FXYD3: variants seen among roughly 807,000 people sequenced by gnomAD.
FXYD3 encodes the protein FXYD domain containing ion transport regulator 3.
FXYD3 carries 13 observed loss-of-function variants against 19.2 expected under a neutral mutation model. The ratio of observed to expected loss-of-function variants is 0.68; its 90% CI spans 0.44 to 1.08. The LOEUF is 1.08. FXYD3 is among the 50% of genes least tolerant of loss of function. FXYD3 has a pLI of 0.00. For synonymous variants in FXYD3, 48 were observed against 38.9 expected (o/e 1.23, Z -0.87); for missense variants, 101 against 109.4 (o/e 0.92, Z 0.34).
Position 35,121,074 on chromosome 19 carries a change from C to T in FXYD3, c.41-4C>T, listed in dbSNP as rs2065031646. The T allele has an allele frequency of 1.9e-6, 3 of 1,612,546 alleles. No individual in the cohort carries two copies. Among genetic ancestry groups the T allele is most frequent in the Non-Finnish European group, 2.5e-6 (3 of 1,180,030 alleles). On this transcript the variant is annotated splice_region_variant and splice_polypyrimidine_tract_variant and intron_variant, in intron 3 of 8. Transcript: ENST00000604404. Reference sequence around the variant, plus strand: ...CTCCCCTCCTTCCCCTCTTCTCCCACTAGGCTTTCCTGTCCTGGACGCCAA... The same window carrying T: ...CTCCCCTCCTTCCCCTCTTCTCCCATTAGGCTTTCCTGTCCTGGACGCCAA...
At position 35,123,581 on chromosome 19, in the gene FXYD3, G is replaced by A. The variant is rs2145350973; in HGVS notation, c.*124G>A. 1 of 979,692 alleles carries A rather than the reference G, an allele frequency of 1.0e-6. No homozygotes were observed. The highest frequency in any genetic ancestry group is 2.5e-5 in the East Asian group (1 of 39,812). The allele number at this position is 979,692 out of a possible 1,614,324, so 60.7% of individuals were successfully genotyped here. ...TCTGCTGGGACTCCTTTGCATGGCA[G>A]GGCCTCATCTCACCTCTCGCAAGAG... On this transcript the variant is annotated 3_prime_UTR_variant, in exon 9 of 9. Coordinates refer to ENST00000604404, the MANE Select transcript of FXYD3 (RefSeq NM_005971.4).
chr19:35,123,349 G>GGT (rs71167516), intron 8 of FXYD3, 41 bp downstream of exon 8: 366,327 of 1,477,486 alleles, frequency 0.25, 16,021 homozygotes, highest in Admixed American at 0.37. Flanking sequence ...ACACGGAAGT[G>GGT]GTGTGTGTGT....
intron 2 of FXYD3, 125 bp from the exon 3 acceptor site, chr19:35,119,238 C>A (rs1292428505): frequency 6.2e-7 from 1 of 1,610,064 alleles, no homozygotes; most frequent in Non-Finnish European, 8.5e-7. Context: ...GAGATGCCAG[C>A]CTTCCTGTCC....
intron 3 of FXYD3, 89 bp downstream of exon 3, chr19:35,119,505 C>T: frequency 8.2e-7 from 1 of 1,216,976 alleles, no homozygotes; most frequent in Non-Finnish European, 1.2e-6. Flanking sequence ...TTTTCTACCT[C>T]CCCGGGAAGG....
chr19:35,118,854 C>T (rs1384428645), intron 2 of FXYD3, among the ~76,000 whole-genome samples: 3 of 151,976 alleles, frequency 2.0e-5, no homozygotes, highest in African/African-American at 7.3e-5. Flanking sequence ...CTGGCAGGGC[C>T]GGGCAGGCTC....
At chr19:35,123,042 G>A (rs917607793) in intron 7 of FXYD3, 88 bp downstream of exon 7, 13 of 1,486,140 alleles carry the variant, frequency 8.7e-6, no homozygotes, top group African/African-American at 1.4e-5. Context: ...GAGAGGCCTC[G>A]GGGCTCTGCC....
chr19:35,117,367 G>A, intron 2 of FXYD3: 1 of 1,499,654 alleles, frequency 6.7e-7, no homozygotes, highest in Non-Finnish European at 8.9e-7. Context: ...CCCCTGGAAA[G>A]AGGCTTAAGA....
intron 2 of FXYD3, chr19:35,117,358 C>A: frequency 6.6e-7 from 1 of 1,504,712 alleles, no homozygotes; most frequent in Non-Finnish European, 8.9e-7. Context: ...TTGGAGGAGC[C>A]CCTGGAAAGA....
At chr19:35,122,999 T>C in intron 7 of FXYD3, 45 bp downstream of exon 7, 1 of 1,538,300 alleles carries the variant, frequency 6.5e-7, no homozygotes, top group Non-Finnish European at 8.8e-7. Context: ...GACTGGACGC[T>C]TTTCAGGGTG....
intron 3 of FXYD3, among the ~76,000 whole-genome samples, chr19:35,120,501 C>T (rs890481606): frequency 2.0e-5 from 3 of 152,240 alleles, no homozygotes; most frequent in African/African-American, 7.2e-5. Context: ...TCCACGTCAG[C>T]CTCCCAAAGC....
intron 2 of FXYD3, 172 bp from the exon 3 acceptor site, chr19:35,119,191 C>A (rs1219860397): frequency 1.9e-6 from 3 of 1,564,350 alleles, no homozygotes; most frequent in African/African-American, 2.7e-5. Context: ...CCAGTCCCCA[C>A]TCCACGGTGC....
Position 35,122,968 on chromosome 19 carries a change from C to G in FXYD3, c.209+14C>G. 6.4e-7 allele frequency: 1 copy of G among 1,567,378 alleles called. No homozygotes were observed. Among genetic ancestry groups the G allele is most frequent in the Non-Finnish European group, 8.7e-7 (1 of 1,155,666 alleles). On this transcript the variant is annotated intron_variant, in intron 7 of 8. Transcript: ENST00000604404. The stretch of plus-strand genomic sequence containing the variant: ...CCAGAAGTCCGGGTAAGATACTGTT[C>G]CGGCATGCCCGCCTCAGGCTGACTG...
In FXYD3 at chr19:35,121,363, TA is replaced by T. The variant is rs1568386929; in HGVS notation, c.97+119del. On this transcript the variant is annotated intron_variant, in intron 5 of 8. Transcript: ENST00000604404. Reference sequence around the variant, plus strand: ...TCACAGGACAAAGATACGAAGGGACTAGGATGGGGTTACTGAATATGCCACA... The same window carrying T: ...TCACAGGACAAAGATACGAAGGGACTGGATGGGGTTACTGAATATGCCACA... The T allele has an allele frequency of 1.9e-6, 3 of 1,611,384 alleles. No homozygotes were observed. The East Asian group carries it at 6.7e-5, about 36-fold the overall frequency.
chr19:35,121,730 C>A, intron 5 of FXYD3: 1 of 191,542 alleles, frequency 5.2e-6, no homozygotes, highest in Non-Finnish European at 1.0e-5. Context: ...GCCTGGAACA[C>A]TTCCTTCCAC....
chr19:35,122,857 G>T lies in FXYD3; in HGVS notation c.172+18G>T. 2 of 1,613,926 alleles carry T rather than the reference G, an allele frequency of 1.2e-6. No individual in the cohort carries two copies. Among genetic ancestry groups the T allele is most frequent in the Non-Finnish European group, 1.7e-6 (2 of 1,179,926 alleles). On this transcript the variant is annotated intron_variant, in intron 6 of 8. Transcript: ENST00000604404. ...CGTCATGAGTGAGTGGAGGAGCTCG[G>T]GGGAGCAGGCGGGCCGGGGCTGGGG...
chr19:35,120,673 T>G (rs2065021335), intron 3 of FXYD3, among the ~76,000 whole-genome samples: 5 of 152,178 alleles, frequency 3.3e-5, no homozygotes, highest in Admixed American at 3.3e-4. Flanking sequence ...GGTGTGGACA[T>G]GGTGGAAGCG....
intron 3 of FXYD3, among the ~76,000 whole-genome samples, chr19:35,120,816 G>A (rs780785625): frequency 4.6e-5 from 7 of 152,166 alleles, no homozygotes; most frequent in Non-Finnish European, 8.8e-5. Flanking sequence ...GGAAACATGA[G>A]ACCAAATAGT....
rs759574586 is a variant in FXYD3 at position 35,122,588 on chromosome 19, C to T, written c.98-177C>T. The T allele has an allele frequency of 1.6e-5, 10 of 611,592 alleles. No homozygotes were observed. The East Asian group carries it at 2.2e-4, about 14-fold the overall frequency. 37.9% of individuals were successfully genotyped at this position (611,592 alleles called of 1,614,324 possible). On this transcript the variant is annotated intron_variant, in intron 5 of 8. Transcript: ENST00000604404. ...CTCTGCCTGACCCTGCACGACAGAT[C>T]GTGTTTGCTGGTGTGTGAACCAGAA...
In FXYD3 at chr19:35,121,114, A is replaced by G; in HGVS notation, c.73+4A>G. On this transcript the variant is annotated splice_donor_region_variant and intron_variant, in intron 4 of 8. Transcript: ENST00000604404. ...CTGGACGCCAATGACCTAGAAGGTG[A>G]GTCAGACTGGACTCTCACCCGTCAC... 2 of 1,613,574 alleles carry G rather than the reference A, an allele frequency of 1.2e-6. No homozygotes were observed. The highest frequency in any genetic ancestry group is 1.7e-6 in the Non-Finnish European group (2 of 1,180,028).
Sources: allele counts gnomAD v4.1 joint callset (sites outside exome capture counted in the v4.1 genomes callset), GRCh38; gene constraint gnomAD v4.1.1; transcripts MANE v1.5; gene names NCBI Gene and HGNC (gene_info 2026-07-23, HGNC 2026-07-21).